ERICH3: variants seen among roughly 807,000 people sequenced by gnomAD.
The protein encoded by ERICH3 is glutamate rich 3.
Under a neutral mutation model 131.1 loss-of-function variants are expected in ERICH3, and 126 were observed. The ratio of observed to expected loss-of-function variants is 0.96; its 90% CI spans 0.83 to 1.11. The LOEUF is 1.11. ERICH3 is among the 50% of genes most tolerant of loss of function. ERICH3 has a pLI of 0.00. For missense variants in ERICH3, 2,050 were observed against 1,810.7 expected (o/e 1.13, Z -2.40); for synonymous variants, 695 against 644.6 (o/e 1.08, Z -1.18).
At chr1:74,645,654 A>G (rs1348110625) in intron 3 of ERICH3, among the ~76,000 whole-genome samples, 3 of 152,056 alleles carry the variant, frequency 2.0e-5, no homozygotes, top group South Asian at 2.1e-4. Flanking sequence ...TATTAATTTT[A>G]TTTATTTTTT....
At chr1:74,580,380 G>T (rs936291686) in intron 12 of ERICH3, among the ~76,000 whole-genome samples, 2 of 152,028 alleles carry the variant, frequency 1.3e-5, no homozygotes, top group African/African-American at 4.8e-5. Context: ...TGATTATAAA[G>T]CTATTTTAAA....
intron 10 of ERICH3, among the ~76,000 whole-genome samples, chr1:74,602,489 G>A (rs1648184426): frequency 6.6e-6 from 1 of 151,886 alleles, no homozygotes; most frequent in African/African-American, 2.4e-5. Context: ...CACTAATGAG[G>A]ACGTGAGTCA....
chr1:74,640,601 C>T (rs1170148898), intron 5 of ERICH3, among the ~76,000 whole-genome samples: 1 of 152,150 alleles, frequency 6.6e-6, no homozygotes, highest in East Asian at 1.9e-4. Context: ...CAACCTCCAG[C>T]AAATGTTTTA....
chr1:74,633,453 G>T (rs1646360449), intron 6 of ERICH3, among the ~76,000 whole-genome samples: 1 of 151,734 alleles, frequency 6.6e-6, no homozygotes, highest in Non-Finnish European at 1.5e-5. Flanking sequence ...AGAACTTTTT[G>T]TGTTTAAGGA....
chr1:74,620,261 G>T (rs146789348), intron 8 of ERICH3, among the ~76,000 whole-genome samples: 303 of 152,220 alleles, frequency 2.0e-3, no homozygotes, highest in African/African-American at 6.7e-3. Context: ...GTACTAAAAA[G>T]CTATTTAGCC....
intron 1 of ERICH3, among the ~76,000 whole-genome samples, chr1:74,650,810 G>C (rs548938550): frequency 6.6e-6 from 1 of 151,708 alleles, no homozygotes; most frequent in South Asian, 2.1e-4. Context: ...CACCGGAAGT[G>C]AAATCACGGA....
rs1194721688 is a variant in ERICH3 at position 74,573,615 on chromosome 1, TG to T, written c.2219-125del. The stretch of plus-strand genomic sequence containing the variant: ...TTTATATGTGATATCAAGAGGCCAT[TG>T]TATTATATATAAAACACTTTCTCCA... On this transcript the variant is annotated intron_variant, in intron 13 of 14. Coordinates refer to ENST00000326665, the MANE Select transcript of ERICH3 (RefSeq NM_001002912.5). 4.4e-6 allele frequency: 5 copies of T among 1,145,906 alleles called. No homozygotes were observed. In the African/African-American group the frequency reaches 8.1e-5, roughly 19 times the overall value. The allele number at this position is 1,145,906 out of a possible 1,614,324, so 71.0% of individuals were successfully genotyped here. A position where few individuals can be genotyped will look rare whatever the true frequency, so the allele number is the denominator to read the frequency against.
chr1:74,571,512 C>T lies in ERICH3; in HGVS notation c.4198G>A (p.Ala1400Thr), dbSNP rs781681678. Residue 1400 changes from alanine to threonine, a missense_variant, in exon 14 of 15, where the codon GCA becomes ACA. Physicochemically the swap from Ala to Thr is moderately conservative, Grantham distance 58. Coordinates refer to ENST00000326665, the MANE Select transcript of ERICH3 (RefSeq NM_001002912.5). ...QDELVGKTAA[A>T]GKVVVEELAR... The stretch of plus-strand genomic sequence containing the variant: ...AATTCCTCTACCACCACCTTCCCTG[C>T]AGCTGCTGTTTTTCCTACTAACTCA... The T allele has an allele frequency of 6.2e-7, 1 of 1,614,178 alleles. No individual in the cohort carries two copies. The highest frequency in any genetic ancestry group is 8.5e-7 in the Non-Finnish European group (1 of 1,180,022).
Position 74,568,596 on chromosome 1 carries a change from G to A in ERICH3, c.*1862C>T, listed in dbSNP as rs1043684846. 1 of 152,090 alleles carries A rather than the reference G, an allele frequency of 6.6e-6. No homozygotes were observed. The highest frequency in any genetic ancestry group is 2.4e-5 in the African/African-American group (1 of 41,418). 9.4% of individuals were successfully genotyped at this position (152,090 alleles called of 1,614,324 possible). A position where few individuals can be genotyped will look rare whatever the true frequency, so the allele number is the denominator to read the frequency against. ...TGCAGTGAGTAATATCCTTGAATAG[G>A]GAGTAGGGCAGAGGGACTTCGTGCA... On this transcript the variant is annotated 3_prime_UTR_variant, in exon 15 of 15. Coordinates refer to ENST00000326665, the MANE Select transcript of ERICH3 (RefSeq NM_001002912.5).
At chr1:74,642,948 C>A in intron 4 of ERICH3, 79 bp downstream of exon 4, 1 of 1,089,432 alleles carries the variant, frequency 9.2e-7, no homozygotes, top group Non-Finnish European at 1.4e-6. Flanking sequence ...TCCCAGGGAA[C>A]TGGAATCATA....
At chr1:74,621,071 C>G (rs1042872325) in intron 7 of ERICH3, among the ~76,000 whole-genome samples, 157 bp from the exon 8 acceptor site, 1 of 152,160 alleles carries the variant, frequency 6.6e-6, no homozygotes, top group African/African-American at 2.4e-5. Context: ...AAAAGTCAAA[C>G]TCATTGCAAA....
In ERICH3 at chr1:74,573,014, A is replaced by G. The variant is rs756921090; in HGVS notation, c.2696T>C (p.Leu899Ser). ...TTCATTTGCAAGCACTGCCTTCTCT[A>G]AACCCTGTTCCCCTTCAGAAGCTGC... is the stretch of plus-strand genomic sequence containing the variant. ...DKAASEGEQG[L>S]EKAVLANEAA... Residue 899 changes from leucine (L) to serine (S), a missense_variant, in exon 14 of 15, where the codon TTA (leucine) becomes TCA (serine). Coordinates refer to ENST00000326665, the MANE Select transcript of ERICH3 (RefSeq NM_001002912.5). The G allele has an allele frequency of 1.2e-6, 2 of 1,614,054 alleles. No homozygotes were observed. The highest frequency in any genetic ancestry group is 4.5e-5 in the East Asian group (2 of 44,882).
At chr1:74,622,344 A>G (rs1373401642) in intron 7 of ERICH3, 2 of 152,272 alleles carry the variant, frequency 1.3e-5, no homozygotes, top group Non-Finnish European at 2.9e-5. Flanking sequence ...ATTACAGGGC[A>G]TCAAGAGCCA....
At chr1:74,581,152 T>C (rs1647170908) in intron 12 of ERICH3, among the ~76,000 whole-genome samples, 1 of 152,212 alleles carries the variant, frequency 6.6e-6, no homozygotes, top group African/African-American at 2.4e-5. Context: ...GATTTGCAGA[T>C]GTTCTACAAC....
chr1:74,635,620 A>C (rs1241780802), intron 6 of ERICH3, among the ~76,000 whole-genome samples: 1 of 152,120 alleles, frequency 6.6e-6, no homozygotes, highest in Admixed American at 6.6e-5. Flanking sequence ...AAAACTAACA[A>C]TACTTTCCCT....
chr1:74,616,846 A>G (rs982305319), intron 8 of ERICH3, among the ~76,000 whole-genome samples: 1 of 152,190 alleles, frequency 6.6e-6, no homozygotes, highest in African/African-American at 2.4e-5. Flanking sequence ...TGACGGAACC[A>G]CAGGCCAAGG....
intron 12 of ERICH3, among the ~76,000 whole-genome samples, chr1:74,580,178 G>C (rs1023884548): frequency 6.6e-6 from 1 of 151,872 alleles, no homozygotes; most frequent in Non-Finnish European, 1.5e-5. Flanking sequence ...AGATTTCCAA[G>C]TATTTTTTAC....
Position 74,573,597 on chromosome 1 carries a change from G to A in ERICH3, c.2219-106C>T, listed in dbSNP as rs1647000190. ...TATTTACAGTGTGAGATATTTATAT[G>A]TGATATCAAGAGGCCATTGTATTAT... On this transcript the variant is annotated intron_variant, in intron 13 of 14. Coordinates refer to ENST00000326665, the MANE Select transcript of ERICH3 (RefSeq NM_001002912.5). The A allele has an allele frequency of 3.2e-6, 4 of 1,257,704 alleles. No homozygotes were observed. The East Asian group carries it at 8.8e-5, about 28-fold the overall frequency. 77.9% of individuals were successfully genotyped at this position (1,257,704 alleles called of 1,614,324 possible). A position where few individuals can be genotyped will look rare whatever the true frequency, so the allele number is the denominator to read the frequency against.
intron 7 of ERICH3, among the ~76,000 whole-genome samples, chr1:74,626,872 T>C (rs1317163212): frequency 6.6e-6 from 1 of 152,162 alleles, no homozygotes; most frequent in Non-Finnish European, 1.5e-5. Context: ...GAGACATGAA[T>C]CACAGAAGCC....
Sources: allele counts gnomAD v4.1 joint callset (sites outside exome capture counted in the v4.1 genomes callset), GRCh38; gene constraint gnomAD v4.1.1; transcripts MANE v1.5; gene names NCBI Gene and HGNC (gene_info 2026-07-23, HGNC 2026-07-21).